The following GUCA2B variants were observed in gnomAD, a reference collection of about 807,000 sequenced individuals.
GUCA2B encodes prepro-uroguanylin.
A neutral mutation model predicts 11.1 loss-of-function variants in GUCA2B; 7 were observed. That is an observed-to-expected ratio of 0.63 (90% CI 0.36 to 1.18). The LOEUF (loss-of-function observed/expected upper bound fraction) is 1.18, where lower values mean the gene tolerates loss of function less well. Among genes scored for constraint, GUCA2B ranks in the 50% most tolerant of loss-of-function variants. The pLI is 0.02. For synonymous variants in GUCA2B, 69 were observed against 65.3 expected (o/e 1.06, Z -0.27); for missense variants, 140 against 142.5 (o/e 0.98, Z 0.09).
chr1:42,154,820 G>C lies in GUCA2B; in HGVS notation c.231G>C (p.Gln77His). The change falls in exon 2 of 3, where the codon CAG becomes CAC. Residue 77 changes from glutamine to histidine, a missense_variant. Transcript: ENST00000372581. Reference protein sequence around the residue: ...CHHPALPQDLQPVCASQEASS... With the variant: ...CHHPALPQDLHPVCASQEASS... ...ACCCTGCTCTGCCTCAGGACCTTCAGCCTGTCTGCGCCTCGCAGGAGGCTT... is the reference window on the plus strand; with the variant it reads ...ACCCTGCTCTGCCTCAGGACCTTCACCCTGTCTGCGCCTCGCAGGAGGCTT... The C allele has an allele frequency of 6.2e-7, 1 of 1,614,044 alleles. No homozygotes were observed. Among genetic ancestry groups the C allele is most frequent in the Non-Finnish European group, 8.5e-7 (1 of 1,179,986 alleles).
In GUCA2B at chr1:42,153,676, C is replaced by T. The variant is rs1477296357; in HGVS notation, c.90+136C>T. On this transcript the variant is annotated intron_variant, in intron 1 of 2. Coordinates refer to ENST00000372581, the MANE Select transcript of GUCA2B (RefSeq NM_007102.3). The stretch of plus-strand genomic sequence containing the variant: ...GGGCTCAGCCCAACACCCATCACAG[C>T]CCAGAGACCAAGGCAGCTGGTGGGT... 4.8e-6 allele frequency: 3 copies of T among 630,428 alleles called. No individual in the cohort carries two copies. The African/African-American group carries it at 5.5e-5, about 12-fold the overall frequency. The allele number at this position is 630,428 out of a possible 1,614,324, so 39.1% of individuals were successfully genotyped here.
chr1:42,154,642 G>A lies in GUCA2B; in HGVS notation c.91-38G>A, dbSNP rs1419652435. Reference sequence around the variant, plus strand: ...ATGGCAGTGCCTGCCCCTGGACCAGGTCTTGACCTGCTCCTATCTCCTCTC... The same window carrying A: ...ATGGCAGTGCCTGCCCCTGGACCAGATCTTGACCTGCTCCTATCTCCTCTC... On this transcript the variant is annotated intron_variant, in intron 1 of 2. Coordinates refer to ENST00000372581, the MANE Select transcript of GUCA2B (RefSeq NM_007102.3). The A allele has an allele frequency of 1.9e-6, 3 of 1,568,578 alleles. 1 individual carries two copies. Among genetic ancestry groups the A allele is most frequent in the East Asian group, 4.5e-5 (2 of 44,670 alleles).
At chr1:42,154,228 G>A (rs1233254812) in intron 1 of GUCA2B, among the ~76,000 whole-genome samples, 2 of 152,114 alleles carry the variant, frequency 1.3e-5, no homozygotes, top group African/African-American at 4.8e-5. Context: ...AGAACAAAGT[G>A]GGTCCCAGAG....
intron 1 of GUCA2B, 91 bp from the exon 2 acceptor site, chr1:42,154,589 C>T: frequency 2.9e-6 from 3 of 1,026,066 alleles, no homozygotes; most frequent in Non-Finnish European, 4.6e-6. Flanking sequence ...TCTGGAGGAT[C>T]TGCAGGGTTT....
Position 42,153,514 on chromosome 1 carries a change from C to T in GUCA2B, c.64C>T (p.Gln22Ter). Residue 22 changes from glutamine to a stop codon, truncating the protein, a stop_gained, in exon 1 of 3, where the codon CAG (glutamine) becomes TAG (stop). Transcript: ENST00000372581. LOFTEE classifies it high-confidence loss of function. ...GGCCGTGGTCCTCCTGCTGCTGCTGCAGAGCACACAGTCAGTCTACATCCA... is the reference window on the plus strand; with the variant it reads ...GGCCGTGGTCCTCCTGCTGCTGCTGTAGAGCACACAGTCAGTCTACATCCA... ...GVAVVLLLLL[Q>*]STQSVYIQYQ... is the part of the protein sequence containing the mutation. The T allele has an allele frequency of 1.2e-6, 2 of 1,612,268 alleles. No homozygotes were observed. The highest frequency in any genetic ancestry group is 1.7e-6 in the Non-Finnish European group (2 of 1,179,030).
Position 42,155,658 on chromosome 1 carries a change from A to G in GUCA2B, c.*62A>G. 1.6e-6 allele frequency: 2 copies of G among 1,284,240 alleles called. No homozygotes were observed. Among genetic ancestry groups the G allele is most frequent in the South Asian group, 2.4e-5 (2 of 84,550 alleles). The allele number at this position is 1,284,240 out of a possible 1,614,324, so 79.6% of individuals were successfully genotyped here. A position where few individuals can be genotyped will look rare whatever the true frequency, so the allele number is the denominator to read the frequency against. ...TCGCCCTTCAGCCCACCACCCTGGC[A>G]GGCTTCCATCCCCGTCCATGCTCAA... On this transcript the variant is annotated 3_prime_UTR_variant, in exon 3 of 3. Coordinates refer to ENST00000372581, the MANE Select transcript of GUCA2B (RefSeq NM_007102.3).
At chr1:42,153,589 G>A in intron 1 of GUCA2B, 49 bp downstream of exon 1, 1 of 1,353,126 alleles carries the variant, frequency 7.4e-7, no homozygotes, top group South Asian at 1.2e-5. Context: ...CCCATGGTGG[G>A]AGGCTAGGCT....
chr1:42,153,903 TGGA>T (rs1473881194), intron 1 of GUCA2B, among the ~76,000 whole-genome samples: 7 of 152,100 alleles, frequency 4.6e-5, no homozygotes, highest in African/African-American at 1.2e-4. Context: ...CACATGTAGG[TGGA>T]GGAGGACAGG....
At position 42,155,732 on chromosome 1, in the gene GUCA2B, C is replaced by T. The variant is rs748561148; in HGVS notation, c.*136C>T. 36 of 746,604 alleles carry T rather than the reference C, an allele frequency of 4.8e-5. No homozygotes were observed. Among genetic ancestry groups the T allele is most frequent in the Non-Finnish European group, 7.2e-5 (30 of 415,176 alleles). 46.2% of individuals were successfully genotyped at this position (746,604 alleles called of 1,614,324 possible). A position where few individuals can be genotyped will look rare whatever the true frequency, so the allele number is the denominator to read the frequency against. ...CATCACCACCCTTCCAGGGCCTGAG[C>T]AGCTGGATCTGGTACAAAGCAATCG... On this transcript the variant is annotated 3_prime_UTR_variant, in exon 3 of 3. Coordinates refer to ENST00000372581, the MANE Select transcript of GUCA2B (RefSeq NM_007102.3).
intron 1 of GUCA2B, among the ~76,000 whole-genome samples, chr1:42,154,042 T>A (rs555860497): frequency 6.6e-6 from 1 of 152,284 alleles, no homozygotes; most frequent in African/African-American, 2.4e-5. Flanking sequence ...AAAGACCAGA[T>A]AGAAGACTAT....
intron 1 of GUCA2B, 92 bp downstream of exon 1, chr1:42,153,632 C>CG: frequency 1.1e-6 from 1 of 870,304 alleles, no homozygotes; most frequent in Non-Finnish European, 1.8e-6. Flanking sequence ...AGAGGGGCAC[C>CG]GGGGGAGCAC....
At chr1:42,154,018 G>T (rs1283982781) in intron 1 of GUCA2B, among the ~76,000 whole-genome samples, 2 of 152,224 alleles carry the variant, frequency 1.3e-5, no homozygotes, top group African/African-American at 4.8e-5. Flanking sequence ...CAGGCCAAGG[G>T]GCACAGCATG....
At chr1:42,153,603 G>T in intron 1 of GUCA2B, 63 bp downstream of exon 1, 1 of 1,222,540 alleles carries the variant, frequency 8.2e-7, no homozygotes. Context: ...CTAGGCTGGA[G>T]AGGGTGTACT....
rs144117245 is a variant in GUCA2B at position 42,154,829 on chromosome 1, C to T, written c.240C>T (p.Cys80=). Residue 80 remains cysteine (C), a synonymous_variant, in exon 2 of 3, where the codon TGC becomes TGT. Transcript: ENST00000372581. The part of the protein sequence containing the change: ...PALPQDLQPV[C]ASQEASSIFK... ...TGCCTCAGGACCTTCAGCCTGTCTG[C>T]GCCTCGCAGGAGGCTTCCAGCATCT... is the stretch of plus-strand genomic sequence containing the variant. 258 of 1,613,904 alleles carry T rather than the reference C, an allele frequency of 1.6e-4. No homozygotes were observed. Among genetic ancestry groups the T allele is most frequent in the South Asian group, 1.4e-3 (124 of 91,050 alleles).
rs775802875 is a variant in GUCA2B at position 42,155,526 on chromosome 1, C to T, written c.278-9C>T. 6.2e-7 allele frequency: 1 copy of T among 1,612,940 alleles called. No individual in the cohort carries two copies. Among genetic ancestry groups the T allele is most frequent in the South Asian group, 1.1e-5 (1 of 91,060 alleles). ...TTCAGGTCAACTGACCAGTTCTCTC[C>T]CTGCCCAGGGACCATCGCTAACGAC... is the stretch of plus-strand genomic sequence containing the variant. On this transcript the variant is annotated splice_polypyrimidine_tract_variant and intron_variant, in intron 2 of 2. Transcript: ENST00000372581.
chr1:42,154,473 G>A (rs1335948210), intron 1 of GUCA2B, among the ~76,000 whole-genome samples: 1 of 152,218 alleles, frequency 6.6e-6, no homozygotes, highest in Non-Finnish European at 1.5e-5. Context: ...TGTCTCTAAA[G>A]CCTCGAACCA....
chr1:42,153,650 G>A (rs776706440), intron 1 of GUCA2B, 110 bp downstream of exon 1: 87 of 772,978 alleles, frequency 1.1e-4, no homozygotes, highest in African/African-American at 1.9e-4. Flanking sequence ...CACGGGGCCC[G>A]GGGCTCAGCC....
Position 42,154,633 on chromosome 1 carries a change from CT to C in GUCA2B, c.91-46del, listed in dbSNP as rs553000759. ...CTGGGTGTCATGGCAGTGCCTGCCCCTGGACCAGGTCTTGACCTGCTCCTAT... is the reference window on the plus strand; with the variant it reads ...CTGGGTGTCATGGCAGTGCCTGCCCCGGACCAGGTCTTGACCTGCTCCTAT... On this transcript the variant is annotated intron_variant, in intron 1 of 2. Transcript: ENST00000372581. 335 of 1,512,142 alleles carry C rather than the reference CT, an allele frequency of 2.2e-4. 2 individuals are homozygous for C. The East Asian group carries it at 7.1e-3, about 32-fold the overall frequency. The allele number at this position is 1,512,142 out of a possible 1,614,324, so 93.7% of individuals were successfully genotyped here. A position where few individuals can be genotyped will look rare whatever the true frequency, so the allele number is the denominator to read the frequency against.
In GUCA2B at chr1:42,153,546, T is replaced by C; in HGVS notation, c.90+6T>C. ...CACAGTCAGTCTACATCCAGGTGAG[T>C]CCCTTGGCCAGCGTTCCCTTTGCCT... On this transcript the variant is annotated splice_donor_region_variant and intron_variant, in intron 1 of 2. Coordinates refer to ENST00000372581, the MANE Select transcript of GUCA2B (RefSeq NM_007102.3). 1 of 1,600,524 alleles carries C rather than the reference T, an allele frequency of 6.2e-7. No homozygotes were observed. The highest frequency in any genetic ancestry group is 8.6e-7 in the Non-Finnish European group (1 of 1,169,038).
Sources: gnomAD v4.1 joint callset for allele counts (sites outside exome capture counted in the v4.1 genomes callset) on GRCh38, gnomAD v4.1.1 for gene constraint, MANE v1.5 for transcripts, NCBI Gene and HGNC (gene_info 2026-07-23, HGNC 2026-07-21) for gene names.